The following TEX29 variants were observed in gnomAD, a reference collection of about 807,000 sequenced individuals.
TEX29 encodes testis-expressed protein 29.
A neutral mutation model predicts 18.2 loss-of-function variants in TEX29; 26 were observed. The ratio of observed to expected loss-of-function variants is 1.43; its 90% CI spans 1.04 to 1.98. The LOEUF is 1.98. Ranked by LOEUF, TEX29 falls within the 30% of genes most tolerant of loss-of-function variation. TEX29 has a pLI of 0.00. For synonymous variants in TEX29, 83 were observed against 78.5 expected (o/e 1.06, Z -0.31); for missense variants, 177 against 194.2 (o/e 0.91, Z 0.53).
At chr13:111,330,782 G>T (rs534472761) in intron 3 of TEX29, among the ~76,000 whole-genome samples, 1 of 152,072 alleles carries the variant, frequency 6.6e-6, no homozygotes, top group Non-Finnish European at 1.5e-5. Flanking sequence ...ATGGACTTCC[G>T]TATTATGGAC....
rs1349725958 is a variant in TEX29, at chr13:111,329,102, C to T, written c.169+809C>T. Among the ~76,000 whole-genome samples, 7 of 152,200 alleles carry T rather than the reference C, an allele frequency of 4.6e-5. No individual in the cohort carries two copies. The East Asian group carries it at 1.4e-3, about 29-fold the overall frequency. On this transcript the variant is annotated intron_variant, in intron 3 of 5. Coordinates refer to ENST00000283547, the MANE Select transcript of TEX29 (RefSeq NM_152324.3). ...ATTTCCAAACCCTCATCAAGGTCCA[C>T]GTGAAGCTTCATGTGTTTCCTTGTC... is the stretch of plus-strand genomic sequence containing the variant.
chr13:111,339,978 C>T, intron 4 of TEX29, 46 bp downstream of exon 4: 2 of 1,563,724 alleles, frequency 1.3e-6, no homozygotes, highest in African/African-American at 1.4e-5. Flanking sequence ...GGAGGGGACT[C>T]ACCTCTCCTG....
upstream of TEX29, among the ~76,000 whole-genome samples, chr13:111,316,927 G>A (rs185712812): frequency 3.8e-4 from 58 of 152,222 alleles, no homozygotes; most frequent in African/African-American, 1.4e-3. Flanking sequence ...TGGTGAGAAG[G>A]TAAGGAAGTG....
intron 3 of TEX29, among the ~76,000 whole-genome samples, chr13:111,332,712 A>G (rs1301273857): frequency 6.6e-6 from 1 of 152,198 alleles, no homozygotes; most frequent in Non-Finnish European, 1.5e-5. Flanking sequence ...TACAACTTGG[A>G]AACACACGAG....
At position 111,344,063 on chromosome 13, in the gene TEX29, C is replaced by T. The variant is rs774054539; in HGVS notation, c.416-20C>T. The stretch of plus-strand genomic sequence containing the variant: ...GAATATTCCATTTGAAAAAACAATT[C>T]TTCTTTTCTAAAAATCTAGTAACAG... On this transcript the variant is annotated intron_variant, in intron 5 of 5. Coordinates refer to ENST00000283547, the MANE Select transcript of TEX29 (RefSeq NM_152324.3). 8 of 1,602,892 alleles carry T rather than the reference C, an allele frequency of 5.0e-6. No individual in the cohort carries two copies. Among genetic ancestry groups the T allele is most frequent in the East Asian group, 2.2e-5 (1 of 44,812 alleles).
chr13:111,328,740 T>A lies in TEX29; in HGVS notation c.169+447T>A, dbSNP rs77029801. Among the ~76,000 whole-genome samples the A allele has an allele frequency of 5.1e-3, 772 of 152,250 alleles. 7 individuals carry two copies. Among genetic ancestry groups the A allele is most frequent in the African/African-American group, 0.017 (719 of 41,562 alleles). Reference sequence around the variant, plus strand: ...GGGGCTCTGTGAGCTTGGCCCTGACTGGGGATTCCGTGGGCTGCTTCAACG... The same window carrying A: ...GGGGCTCTGTGAGCTTGGCCCTGACAGGGGATTCCGTGGGCTGCTTCAACG... On this transcript the variant is annotated intron_variant, in intron 3 of 5. Transcript: ENST00000283547.
At chr13:111,330,462 G>A (rs2093680978) in intron 3 of TEX29, among the ~76,000 whole-genome samples, 1 of 152,190 alleles carries the variant, frequency 6.6e-6, no homozygotes, top group African/African-American at 2.4e-5. Flanking sequence ...TAGAGACTCG[G>A]GACCAGACCC....
intron 2 of TEX29, 139 bp from the exon 3 acceptor site, chr13:111,328,044 A>G: frequency 1.7e-6 from 1 of 599,654 alleles, no homozygotes; most frequent in Non-Finnish European, 3.0e-6. Flanking sequence ...AAAGATTTGC[A>G]GGATGCGTAA....
At chr13:111,333,704 A>C (rs1408862861) in intron 3 of TEX29, among the ~76,000 whole-genome samples, 1 of 152,208 alleles carries the variant, frequency 6.6e-6, no homozygotes, top group Non-Finnish European at 1.5e-5. Context: ...ATGGCTAGGG[A>C]GGCCTCAGGA....
chr13:111,318,389 G>A (rs202201031), upstream of TEX29, among the ~76,000 whole-genome samples: 8 of 152,148 alleles, frequency 5.3e-5, no homozygotes, highest in Non-Finnish European at 1.0e-4. Flanking sequence ...TGGTTATCAC[G>A]TGGGAACGGG....
At chr13:111,334,620 A>T (rs2093687094) in intron 3 of TEX29, among the ~76,000 whole-genome samples, 1 of 152,210 alleles carries the variant, frequency 6.6e-6, no homozygotes, top group Non-Finnish European at 1.5e-5. Context: ...CTCTCTATGC[A>T]CATCTCATTT....
In TEX29 at chr13:111,329,486, G is replaced by A. The variant is rs189444105; in HGVS notation, c.169+1193G>A. Among the ~76,000 whole-genome samples, 7 of 151,132 alleles carry A rather than the reference G, an allele frequency of 4.6e-5. No homozygotes were observed. In the East Asian group the frequency reaches 9.7e-4, roughly 21 times the overall value. On this transcript the variant is annotated intron_variant, in intron 3 of 5. Coordinates refer to ENST00000283547, the MANE Select transcript of TEX29 (RefSeq NM_152324.3). Reference sequence around the variant, plus strand: ...AGAGACCAGGCACCAGGTCCTCTTCGTTCCCTGTATCTAGTAGGGCTTAGA... The same window carrying A: ...AGAGACCAGGCACCAGGTCCTCTTCATTCCCTGTATCTAGTAGGGCTTAGA...
At chr13:111,319,683 A>C (rs1376361384), upstream of TEX29, among the ~76,000 whole-genome samples, 1 of 152,126 alleles carries the variant, frequency 6.6e-6, no homozygotes, top group African/African-American at 2.4e-5. Context: ...GCTGGGGTGC[A>C]GTGGTGCAAT....
chr13:111,332,412 G>T (rs149768914), intron 3 of TEX29, among the ~76,000 whole-genome samples: 46 of 151,986 alleles, frequency 3.0e-4, no homozygotes, highest in East Asian at 2.3e-3. Flanking sequence ...TGTTGAACTT[G>T]CTCATTCTAT....
intron 3 of TEX29, among the ~76,000 whole-genome samples, chr13:111,338,374 G>A (rs1057200941): frequency 6.6e-6 from 1 of 152,176 alleles, no homozygotes; most frequent in African/African-American, 2.4e-5. Context: ...GTGATGCTAG[G>A]AGGAAGCCAG....
At chr13:111,329,348 T>C (rs2093679175) in intron 3 of TEX29, among the ~76,000 whole-genome samples, 1 of 152,030 alleles carries the variant, frequency 6.6e-6, no homozygotes, top group African/African-American at 2.4e-5. Context: ...GCCACTCTTT[T>C]CTCCACCCCC....
chr13:111,321,658 G>A (rs2093664793), intron 2 of TEX29, among the ~76,000 whole-genome samples: 1 of 152,044 alleles, frequency 6.6e-6, no homozygotes, highest in South Asian at 2.1e-4. Context: ...GATGGGCGTG[G>A]TGGCCTGTAA....
chr13:111,327,592 C>T (rs377043457), intron 2 of TEX29, among the ~76,000 whole-genome samples: 4 of 152,328 alleles, frequency 2.6e-5, no homozygotes, highest in South Asian at 2.1e-4. Context: ...CCACATCCCT[C>T]GGGGCTGAAC....
In TEX29 at chr13:111,329,781, G is replaced by C. The variant is rs140870780; in HGVS notation, c.169+1488G>C. Among the ~76,000 whole-genome samples the C allele has an allele frequency of 5.7e-4, 87 of 152,222 alleles. No individual in the cohort carries two copies. The East Asian group carries it at 8.9e-3, about 16-fold the overall frequency. On this transcript the variant is annotated intron_variant, in intron 3 of 5. Coordinates refer to ENST00000283547, the MANE Select transcript of TEX29 (RefSeq NM_152324.3). ...TGCTTCTACAAGGTCTGAGGGTCTC[G>C]TTCCAGTGGCTGTCGCAAGCCACAG...
Sources: gnomAD v4.1 joint callset for allele counts (sites outside exome capture counted in the v4.1 genomes callset) on GRCh38, gnomAD v4.1.1 for gene constraint, MANE v1.5 for transcripts, NCBI Gene and HGNC (gene_info 2026-07-23, HGNC 2026-07-21) for gene names.